Variants in BEND2 observed in about 807,000 individuals in gnomAD.
BEND2 encodes BEN domain containing 2, also known as BEN domain-containing protein 2.
Under a neutral mutation model 43.8 loss-of-function variants are expected in BEND2, and 19 were observed. That is an observed-to-expected ratio of 0.43 (90% CI 0.30 to 0.64). BEND2 has a LOEUF of 0.64. BEND2 is among the 30% of genes least tolerant of loss of function. BEND2 has a pLI of 0.11. For synonymous variants in BEND2, 226 were observed against 210.1 expected (o/e 1.08, Z -0.66); for missense variants, 544 against 574.0 (o/e 0.95, Z 0.53).
At chrX:18,189,405 G>A (rs1924684102) in intron 8 of BEND2, among the ~76,000 whole-genome samples, 1 of 110,581 alleles carries the variant, frequency 9.0e-6, no homozygotes. Context: ...AGCTACTTGG[G>A]AGGCTGAGTT....
intron 13 of BEND2, among the ~76,000 whole-genome samples, chrX:18,166,407 T>C (rs1923823523): frequency 8.9e-6 from 1 of 111,871 alleles, no homozygotes; most frequent in South Asian, 3.7e-4. Flanking sequence ...TAGTCACCAC[T>C]TGGGGATTTA....
intron 12 of BEND2, among the ~76,000 whole-genome samples, chrX:18,173,128 C>T (rs1043104607): frequency 2.2e-4 from 24 of 111,365 alleles, no homozygotes; most frequent in Non-Finnish European, 1.1e-4. Flanking sequence ...GCTTGGCTCA[C>T]AGTGGGCTTA....
intron 1 of BEND2, among the ~76,000 whole-genome samples, chrX:18,218,813 T>G (rs977689461): frequency 9.0e-6 from 1 of 111,604 alleles, no homozygotes; most frequent in Admixed American, 9.5e-5. Context: ...TGAGCCGAGA[T>G]TGCGCCATTG....
intron 6 of BEND2, among the ~76,000 whole-genome samples, chrX:18,196,165 G>T (rs375897888): frequency 2.7e-5 from 3 of 109,583 alleles, no homozygotes; most frequent in Non-Finnish European, 1.9e-5. Context: ...CGGGTGTGGT[G>T]GTGGGTGCCT....
intron 6 of BEND2, among the ~76,000 whole-genome samples, chrX:18,201,388 C>T (rs1183110018): frequency 7.9e-5 from 3 of 37,762 alleles, no homozygotes; most frequent in Non-Finnish European, 9.7e-5. Context: ...AAGAGCAAAA[C>T]TCCATCTCAA....
At chrX:18,189,906 C>T (rs1007721937) in intron 8 of BEND2, among the ~76,000 whole-genome samples, 1 of 110,172 alleles carries the variant, frequency 9.1e-6, no homozygotes, top group African/African-American at 3.3e-5. Flanking sequence ...AAAAATTAGC[C>T]GAGCATGGTG....
chrX:18,173,865 A>C (rs777730559), intron 12 of BEND2, among the ~76,000 whole-genome samples, 165 bp downstream of exon 12: 8 of 112,221 alleles, frequency 7.1e-5, no homozygotes, highest in Non-Finnish European at 9.4e-5. Flanking sequence ...ATATTTCATT[A>C]ACTCATTAAT....
At chrX:18,172,675 C>T (rs1302227868) in intron 12 of BEND2, among the ~76,000 whole-genome samples, 1 of 109,551 alleles carries the variant, frequency 9.1e-6, no homozygotes, top group African/African-American at 3.3e-5. Context: ...GCCTGGGTAA[C>T]AGAGCGAGAC....
intron 13 of BEND2, among the ~76,000 whole-genome samples, chrX:18,170,542 T>G (rs757423878): frequency 1.2e-3 from 134 of 112,774 alleles, no homozygotes; most frequent in Admixed American, 1.1e-3. Flanking sequence ...ATTTAAGATT[T>G]CACAGGAAAT....
intron 12 of BEND2, among the ~76,000 whole-genome samples, chrX:18,172,630 G>A (rs749065489): frequency 1.0e-4 from 11 of 110,487 alleles, no homozygotes; most frequent in Non-Finnish European, 1.9e-4. Flanking sequence ...GGAGGTGGAG[G>A]TTGCAGTGAG....
chrX:18,169,716 T>C (rs1212903001), intron 13 of BEND2, among the ~76,000 whole-genome samples: 1 of 112,169 alleles, frequency 8.9e-6, no homozygotes, highest in Non-Finnish European at 1.9e-5. Flanking sequence ...ACTCAAATGA[T>C]TGCCCTTCTA....
intron 13 of BEND2, among the ~76,000 whole-genome samples, chrX:18,169,023 G>A (rs772717865): frequency 1.3e-4 from 14 of 110,626 alleles, no homozygotes; most frequent in Non-Finnish European, 2.3e-4. Context: ...CCAGCACTTT[G>A]GGAGGCCAAG....
chrX:18,218,721 G>A (rs1416110746), intron 1 of BEND2, among the ~76,000 whole-genome samples: 1 of 111,668 alleles, frequency 9.0e-6, no homozygotes, highest in East Asian at 2.8e-4. Flanking sequence ...TCAGCGGGGC[G>A]AGGTGGCGTG....
At chrX:18,175,925 T>C (rs1924131843) in intron 11 of BEND2, 47 bp downstream of exon 11, 1 of 1,131,468 alleles carries the variant, frequency 8.8e-7, no homozygotes, top group Admixed American at 2.6e-5. Flanking sequence ...CTGTACACAG[T>C]ACAAACTCAG....
At chrX:18,215,810 A>G (rs59291709) in intron 2 of BEND2, among the ~76,000 whole-genome samples, 122 of 112,226 alleles carry the variant, frequency 1.1e-3, no homozygotes, top group Middle Eastern at 4.6e-3. Flanking sequence ...AGAAAATCCA[A>G]TTCTCTAAGC....
chrX:18,199,197 TATA>T (rs757817457), intron 6 of BEND2, among the ~76,000 whole-genome samples: 142 of 110,172 alleles, frequency 1.3e-3, no homozygotes, highest in African/African-American at 4.5e-3. Flanking sequence ...AAACTTAAAG[TATA>T]ATAATAATAA....
At chrX:18,219,305 C>T (rs926660144) in intron 1 of BEND2, among the ~76,000 whole-genome samples, 1 of 112,697 alleles carries the variant, frequency 8.9e-6, no homozygotes, top group African/African-American at 3.2e-5. Context: ...GGGACGCGAT[C>T]CGCCACCAGC....
chrX:18,175,922 C>T, intron 11 of BEND2, 50 bp downstream of exon 11: 1 of 1,100,192 alleles, frequency 9.1e-7, no homozygotes, highest in African/African-American at 1.9e-5. Flanking sequence ...AAACTGTACA[C>T]AGTACAAACT....
chrX:18,197,811 C>T (rs1408659369), intron 6 of BEND2, among the ~76,000 whole-genome samples: 1 of 111,438 alleles, frequency 9.0e-6, no homozygotes. Context: ...TCCCAGAATT[C>T]CCGCATGTTG....
Sources: allele counts gnomAD v4.1 joint callset (sites outside exome capture counted in the v4.1 genomes callset), GRCh38; gene constraint gnomAD v4.1.1; transcripts MANE v1.5; gene names NCBI Gene and HGNC (gene_info 2026-07-23, HGNC 2026-07-21).